Variants in POU2AF1 observed in about 807,000 individuals in gnomAD.
The protein encoded by POU2AF1 is POU class 2 homeobox associating factor 1, also known as POU domain class 2-associating factor 1.
POU2AF1 carries 12 observed loss-of-function variants against 26.3 expected under a neutral mutation model. The ratio of observed to expected loss-of-function variants is 0.46; its 90% CI spans 0.29 to 0.74. The LOEUF is 0.74. Among genes scored for constraint, POU2AF1 ranks in the 30% least tolerant of loss-of-function variants. The pLI is 0.09. For synonymous variants in POU2AF1, 175 were observed against 148.0 expected (o/e 1.18, Z -1.32); for missense variants, 297 against 334.5 (o/e 0.89, Z 0.87).
At chr11:111,358,402 ATACTCT>A (rs1344632640) in intron 2 of POU2AF1, among the ~76,000 whole-genome samples, 15 of 40,000 alleles carry the variant, frequency 3.8e-4, no homozygotes, top group Admixed American at 6.0e-4. Flanking sequence ...CCTCACACAC[ATACTCT>A]CTCACACACA....
intron 1 of POU2AF1, among the ~76,000 whole-genome samples, chr11:111,377,049 C>G (rs1861321649): frequency 6.6e-6 from 1 of 152,042 alleles, no homozygotes; most frequent in African/African-American, 2.4e-5. Flanking sequence ...TGACTGGTCT[C>G]CAGGGTGTGA....
intron 1 of POU2AF1, among the ~76,000 whole-genome samples, chr11:111,367,154 C>T (rs116630377): frequency 0.011 from 1,737 of 152,208 alleles, 44 homozygotes; most frequent in African/African-American, 0.04. Flanking sequence ...ATCCTTTCCC[C>T]GGCACTCTCC....
intron 1 of POU2AF1, chr11:111,363,913 T>C: frequency 6.1e-6 from 6 of 985,402 alleles, no homozygotes; most frequent in Non-Finnish European, 7.2e-6. Flanking sequence ...CTTTCCACCT[T>C]AGCATGAGCC....
At chr11:111,367,934 G>A (rs1483894904) in intron 1 of POU2AF1, among the ~76,000 whole-genome samples, 3 of 152,138 alleles carry the variant, frequency 2.0e-5, no homozygotes, top group Admixed American at 6.5e-5. Flanking sequence ...TGGGGTCACC[G>A]GAGCAGAAAG....
At chr11:111,366,881 C>A (rs565313484) in intron 1 of POU2AF1, among the ~76,000 whole-genome samples, 10 of 152,186 alleles carry the variant, frequency 6.6e-5, no homozygotes, top group African/African-American at 2.4e-4. Context: ...AGGAAATGGA[C>A]CCCCAGGGCA....
At chr11:111,371,338 T>G (rs1434785978) in intron 1 of POU2AF1, among the ~76,000 whole-genome samples, 1 of 152,188 alleles carries the variant, frequency 6.6e-6, no homozygotes, top group Admixed American at 6.5e-5. Context: ...CATTGTTGTT[T>G]CAGTTTTCGG....
At chr11:111,364,117 G>T in intron 1 of POU2AF1, 1 of 477,460 alleles carries the variant, frequency 2.1e-6, no homozygotes, top group Non-Finnish European at 2.7e-6. Flanking sequence ...GGTACAAAAA[G>T]TCAGCAGAGA....
intron 4 of POU2AF1, 122 bp from the exon 5 acceptor site, chr11:111,354,697 A>G (rs1758303990): frequency 2.3e-6 from 2 of 883,702 alleles, no homozygotes; most frequent in Non-Finnish European, 1.6e-6. Context: ...TTCTCACTTC[A>G]TGGGGCTCCA....
chr11:111,376,543 A>G (rs1463123714), intron 1 of POU2AF1, among the ~76,000 whole-genome samples: 1 of 152,170 alleles, frequency 6.6e-6, no homozygotes, highest in Non-Finnish European at 1.5e-5. Context: ...TTGTCACTTT[A>G]TGCTCTAATC....
At position 111,357,473 on chromosome 11, in the gene POU2AF1, G is replaced by T. The variant is rs537392034; in HGVS notation, c.428C>A (p.Ala143Asp). Reference protein sequence around the residue: ...VVGPSSVLTYASPPLITNVTT... With the variant: ...VVGPSSVLTYDSPPLITNVTT... ...GACATTGGTGATGAGTGGCGGAGAG[G>T]CATAGGTCAACACTGAGGAGGGCCC... Residue 143 changes from alanine (A) to aspartate (D), a missense_variant, in exon 4 of 5, where the codon GCC (alanine) becomes GAC (aspartate). Coordinates refer to ENST00000393067, the MANE Select transcript of POU2AF1 (RefSeq NM_006235.3). The T allele has an allele frequency of 6.2e-7, 1 of 1,614,158 alleles. No homozygotes were observed. Among genetic ancestry groups the T allele is most frequent in the Non-Finnish European group, 8.5e-7 (1 of 1,180,016 alleles).
intron 2 of POU2AF1, 90 bp from the exon 3 acceptor site, chr11:111,357,927 GAGAAT>G: frequency 7.6e-7 from 1 of 1,312,812 alleles, no homozygotes; most frequent in Admixed American, 2.8e-5. Context: ...CTCAGGGCAG[GAGAAT>G]AGAAGATAGG....
chr11:111,355,610 G>A (rs556950717), intron 4 of POU2AF1, among the ~76,000 whole-genome samples: 17 of 152,170 alleles, frequency 1.1e-4, no homozygotes, highest in South Asian at 4.1e-4. Context: ...TTGTTAGAAC[G>A]CAGCTTCTGG....
At chr11:111,368,489 T>G (rs1861147168) in intron 1 of POU2AF1, among the ~76,000 whole-genome samples, 1 of 151,936 alleles carries the variant, frequency 6.6e-6, no homozygotes, top group Non-Finnish European at 1.5e-5. Context: ...TGGAAATCAG[T>G]AGGTTTCAGA....
Position 111,354,323 on chromosome 11 carries a change from A to T in POU2AF1, c.709T>A (p.Leu237Met), listed in dbSNP as rs957898506. 1 of 1,614,194 alleles carries T rather than the reference A, an allele frequency of 6.2e-7. No individual in the cohort carries two copies. Among genetic ancestry groups the T allele is most frequent in the Non-Finnish European group, 8.5e-7 (1 of 1,180,032 alleles). ...TAGGCGTCGCTATCCTCTTCCTCCA[A>T]AAGCAGCTTGTCGATGGTCAACGAG... ...ASSLTIDKLL[L>M]EEEDSDAYAL... The change falls in exon 5 of 5, where the codon TTG (leucine) becomes ATG (methionine). Residue 237 changes from leucine (L) to methionine (M), a missense_variant. By Grantham distance (15) the Leu-to-Met change is conservative. Transcript: ENST00000393067.
At chr11:111,359,000 G>C (rs527782162) in intron 1 of POU2AF1, 82 bp from the exon 2 acceptor site, 1 of 1,530,272 alleles carries the variant, frequency 6.5e-7, no homozygotes, top group Non-Finnish European at 8.7e-7. Flanking sequence ...TCATGGATCT[G>C]CCTGCTCCCC....
intron 2 of POU2AF1, among the ~76,000 whole-genome samples, chr11:111,358,398 ACACATACTCTCTCACACACACG>A (rs1565360711): frequency 6.4e-5 from 6 of 93,934 alleles, no homozygotes; most frequent in African/African-American, 2.2e-4. Context: ...ACTCCCTCAC[ACACATACTCTCTCACACACACG>A]CTCACACTCT....
Position 111,357,720 on chromosome 11 carries a change from G to A in POU2AF1, c.191-10C>T. The A allele has an allele frequency of 6.2e-7, 1 of 1,611,994 alleles. No individual in the cohort carries two copies. Among genetic ancestry groups the A allele is most frequent in the Non-Finnish European group, 8.5e-7 (1 of 1,179,018 alleles). On this transcript the variant is annotated splice_polypyrimidine_tract_variant and intron_variant, in intron 3 of 4. Coordinates refer to ENST00000393067, the MANE Select transcript of POU2AF1 (RefSeq NM_006235.3). The stretch of plus-strand genomic sequence containing the variant: ...TCCAGGCAGGAAGGACCTGTGGGAA[G>A]AAGGAAATTACAGAACTTCAGATGC...
rs542966361 is a variant in POU2AF1 at position 111,353,053 on chromosome 11, G to A, written c.*1208C>T. On this transcript the variant is annotated 3_prime_UTR_variant, in exon 5 of 5. Coordinates refer to ENST00000393067, the MANE Select transcript of POU2AF1 (RefSeq NM_006235.3). ...AGGAAGGAAGGAAGGAAGGAAGGAAGGAAAGAAACAAAACCCACATGGTAG... is the reference window on the plus strand; with the variant it reads ...AGGAAGGAAGGAAGGAAGGAAGGAAAGAAAGAAACAAAACCCACATGGTAG... 1.6e-5 allele frequency: 3 copies of A among 188,062 alleles called. No homozygotes were observed. Among genetic ancestry groups the A allele is most frequent in the Admixed American group, 6.5e-5 (1 of 15,346 alleles). The allele number at this position is 188,062 out of a possible 1,614,324, so 11.6% of individuals were successfully genotyped here. A position where few individuals can be genotyped will look rare whatever the true frequency, so the allele number is the denominator to read the frequency against.
chr11:111,358,821 G>A lies in POU2AF1; in HGVS notation c.114C>T (p.His38=), dbSNP rs35454698. The change falls in exon 2 of 5, where the codon CAC becomes CAT. Residue 38 remains histidine (H), a synonymous_variant. Coordinates refer to ENST00000393067, the MANE Select transcript of POU2AF1 (RefSeq NM_006235.3). ...GTGCAGGTGCTGCCCCACTGCTGGC[G>A]TGGCCTCGCTTCCTCCTCAGCAGTT... ...VKELLRRKRG[H]ASSGAAPAPT... The A allele has an allele frequency of 9.4e-4, 1,503 of 1,606,438 alleles. 12 individuals carry two copies. The African/African-American group carries it at 0.018, about 20-fold the overall frequency.
Sources: allele counts gnomAD v4.1 joint callset (sites outside exome capture counted in the v4.1 genomes callset), GRCh38; gene constraint gnomAD v4.1.1; transcripts MANE v1.5; gene names NCBI Gene and HGNC (gene_info 2026-07-23, HGNC 2026-07-21).